CDH18: variants seen among roughly 807,000 people sequenced by gnomAD.
CDH18 encodes cadherin-18.
CDH18 carries 31 observed loss-of-function variants against 67.9 expected under a neutral mutation model. The ratio of observed to expected loss-of-function variants is 0.46; its 90% CI spans 0.34 to 0.62. The LOEUF (loss-of-function observed/expected upper bound fraction) is 0.62. Among genes scored for constraint, CDH18 ranks in the 20% least tolerant of loss-of-function variants. CDH18 has a pLI of 0.01. For missense variants in CDH18, 890 were observed against 975.5 expected (o/e 0.91, Z 1.17); for synonymous variants, 362 against 347.2 (o/e 1.04, Z -0.48).
chr5:19,670,563 G>A (rs901920629), intron 5 of CDH18, among the ~76,000 whole-genome samples: 1 of 152,056 alleles, frequency 6.6e-6, no homozygotes, highest in Non-Finnish European at 1.5e-5. Flanking sequence ...TAACATGATC[G>A]ATTTATATTA....
intron 1 of CDH18, among the ~76,000 whole-genome samples, chr5:20,457,553 G>GAACCC (rs1750924734): frequency 6.6e-6 from 1 of 152,064 alleles, no homozygotes; most frequent in Non-Finnish European, 1.5e-5. Context: ...ACTGTGCTTT[G>GAACCC]AACCCCGATG....
At chr5:19,765,735 C>T (rs1173591001) in intron 3 of CDH18, among the ~76,000 whole-genome samples, 1 of 152,004 alleles carries the variant, frequency 6.6e-6, no homozygotes, top group Non-Finnish European at 1.5e-5. Context: ...TTAAAGTTTT[C>T]CTGTGCTAGA....
At chr5:20,218,931 C>A (rs1479674745) in intron 2 of CDH18, among the ~76,000 whole-genome samples, 2 of 151,584 alleles carry the variant, frequency 1.3e-5, no homozygotes, top group African/African-American at 4.8e-5. Context: ...AGTAGAACAA[C>A]TTCAAATAAA....
intron 2 of CDH18, among the ~76,000 whole-genome samples, chr5:20,212,574 G>A (rs1740435889): frequency 6.6e-6 from 1 of 151,994 alleles, no homozygotes; most frequent in African/African-American, 2.4e-5. Context: ...ACTAAGAGCA[G>A]ATCTCTCAGC....
At chr5:19,813,523 A>G (rs1778963253) in intron 3 of CDH18, among the ~76,000 whole-genome samples, 1 of 152,098 alleles carries the variant, frequency 6.6e-6, no homozygotes, top group Non-Finnish European at 1.5e-5. Flanking sequence ...ACTCTTCAGA[A>G]AAAAGACATT....
chr5:20,101,979 G>A (rs747136865), intron 2 of CDH18, among the ~76,000 whole-genome samples: 1 of 152,130 alleles, frequency 6.6e-6, no homozygotes, highest in Non-Finnish European at 1.5e-5. Context: ...GCTGAGGCAG[G>A]AGAATTGCTT....
At chr5:20,261,648 G>A (rs1744664930) in intron 1 of CDH18, among the ~76,000 whole-genome samples, 1 of 152,000 alleles carries the variant, frequency 6.6e-6, no homozygotes, top group Non-Finnish European at 1.5e-5. Flanking sequence ...GGAGAATGGC[G>A]TGAACCCGGG....
chr5:20,399,227 G>T (rs1392418203), intron 1 of CDH18, among the ~76,000 whole-genome samples: 1 of 152,004 alleles, frequency 6.6e-6, no homozygotes, highest in Admixed American at 6.5e-5. Flanking sequence ...AAGTGTTTCT[G>T]TTTACTCTTC....
At position 19,780,876 on chromosome 5, in the gene CDH18, C is replaced by A. The variant is rs920603829; in HGVS notation, c.229-33640G>T. ...TTTGGTAATGGAAACTGTTGTAACA[C>A]TAAGAAAGGAGCCTATACTTCTTAG... On this transcript the variant is annotated intron_variant, in intron 3 of 12. Transcript: ENST00000382275. 3.3e-5 allele frequency among the ~76,000 whole-genome samples: 5 copies of A among 152,156 alleles called. No homozygotes were observed. In the South Asian group the frequency reaches 1.0e-3, roughly 32 times the overall value.
chr5:20,281,819 A>C (rs549644789), intron 1 of CDH18, among the ~76,000 whole-genome samples: 24 of 152,130 alleles, frequency 1.6e-4, no homozygotes. Context: ...GGCCATTTTC[A>C]CGATATTGAT....
chr5:19,618,361 A>T (rs955038991), intron 5 of CDH18, among the ~76,000 whole-genome samples: 2 of 151,968 alleles, frequency 1.3e-5, no homozygotes, highest in Non-Finnish European at 2.9e-5. Context: ...ATGCACCACC[A>T]TGCCCAGCTA....
At chr5:19,913,203 C>T (rs1311199823) in intron 2 of CDH18, among the ~76,000 whole-genome samples, 1 of 149,106 alleles carries the variant, frequency 6.7e-6, no homozygotes, top group Non-Finnish European at 1.5e-5. Context: ...TTATAAGAAC[C>T]TCTAAAAACA....
At chr5:20,189,288 C>A (rs1738349902) in intron 2 of CDH18, among the ~76,000 whole-genome samples, 2 of 151,904 alleles carry the variant, frequency 1.3e-5, no homozygotes. Flanking sequence ...CTGATATTTA[C>A]TAATACCTCT....
At chr5:19,632,742 C>T (rs1342111845) in intron 5 of CDH18, among the ~76,000 whole-genome samples, 1 of 152,134 alleles carries the variant, frequency 6.6e-6, no homozygotes, top group Non-Finnish European at 1.5e-5. Context: ...GAGTTACAAA[C>T]ACCTGGGATT....
chr5:20,510,113 A>G (rs1754937150), intron 1 of CDH18, among the ~76,000 whole-genome samples: 1 of 152,000 alleles, frequency 6.6e-6, no homozygotes, highest in Non-Finnish European at 1.5e-5. Context: ...ATTTCATTGT[A>G]GTTTTAATTT....
At chr5:19,789,813 A>G (rs1020227479) in intron 3 of CDH18, among the ~76,000 whole-genome samples, 4 of 152,066 alleles carry the variant, frequency 2.6e-5, no homozygotes, top group African/African-American at 9.7e-5. Flanking sequence ...TAAATTAGCA[A>G]TGTGAGTAAA....
At chr5:19,759,368 T>C (rs1006214874) in intron 3 of CDH18, among the ~76,000 whole-genome samples, 1 of 152,144 alleles carries the variant, frequency 6.6e-6, no homozygotes, top group East Asian at 1.9e-4. Flanking sequence ...ATTTACTATT[T>C]TTATAGGTAG....
At chr5:20,419,461 T>C (rs1342586816) in intron 1 of CDH18, among the ~76,000 whole-genome samples, 1 of 117,402 alleles carries the variant, frequency 8.5e-6, no homozygotes, top group Non-Finnish European at 1.7e-5. Context: ...TATGGGACTC[T>C]GTTTTTTTTT....
intron 1 of CDH18, among the ~76,000 whole-genome samples, chr5:20,275,587 ATTTT>A (rs1163797125): frequency 6.6e-6 from 1 of 152,168 alleles, no homozygotes; most frequent in Non-Finnish European, 1.5e-5. Context: ...ATAATCAATT[ATTTT>A]TTGTGTTCTG....
Sources: gnomAD v4.1 joint callset for allele counts (sites outside exome capture counted in the v4.1 genomes callset) on GRCh38, gnomAD v4.1.1 for gene constraint, MANE v1.5 for transcripts, NCBI Gene and HGNC (gene_info 2026-07-23, HGNC 2026-07-21) for gene names.